Variants in NBEA observed in about 807,000 individuals in gnomAD.
The protein encoded by NBEA is lysosomal-trafficking regulator 2.
Under a neutral mutation model 343.4 loss-of-function variants are expected in NBEA, and 44 were observed. The observed-to-expected ratio is 0.13, with a 90% CI of 0.10 to 0.16. The LOEUF (loss-of-function observed/expected upper bound fraction) is 0.16, where lower values mean the gene tolerates loss of function less well. Ranked by LOEUF, NBEA falls within the 10% of genes least tolerant of loss-of-function variation. The pLI is 1.00. For missense variants in NBEA, 2,555 were observed against 3,631.3 expected (o/e 0.70, Z 7.62); for synonymous variants, 1,175 against 1,238.7 (o/e 0.95, Z 1.08).
chr13:35,276,652 T>TG (rs1160390261), intron 34 of NBEA, among the ~76,000 whole-genome samples: 1 of 152,164 alleles, frequency 6.6e-6, no homozygotes, highest in African/African-American at 2.4e-5. Flanking sequence ...GTAAACAACT[T>TG]GGGAAAAAAC....
chr13:35,594,621 T>C (rs2081682495), intron 47 of NBEA, among the ~76,000 whole-genome samples: 1 of 152,112 alleles, frequency 6.6e-6, no homozygotes, highest in African/African-American at 2.4e-5. Context: ...TTGCTGAGAC[T>C]TAAACTCTAA....
chr13:35,023,411 A>T (rs753576974), intron 1 of NBEA, among the ~76,000 whole-genome samples: 1 of 152,174 alleles, frequency 6.6e-6, no homozygotes, highest in Admixed American at 6.5e-5. Context: ...AAGGGCTTTC[A>T]TACTTTTTTC....
intron 30 of NBEA, among the ~76,000 whole-genome samples, chr13:35,191,246 C>T (rs2072168173): frequency 6.6e-6 from 1 of 151,896 alleles, no homozygotes; most frequent in Admixed American, 6.6e-5. Flanking sequence ...GAAATATTGG[C>T]CTGAAAACTC....
At chr13:35,111,097 A>G (rs2066180048) in intron 13 of NBEA, 119 bp downstream of exon 13, 1 of 764,932 alleles carries the variant, frequency 1.3e-6, no homozygotes, top group Admixed American at 3.9e-5. Context: ...TTTCTTATAT[A>G]GCAAACTGGC....
chr13:35,136,396 A>G (rs1183532481), intron 17 of NBEA, among the ~76,000 whole-genome samples: 2 of 152,192 alleles, frequency 1.3e-5, no homozygotes, highest in African/African-American at 2.4e-5. Flanking sequence ...TGGGATTCCA[A>G]GTTTTTGTAT....
At chr13:35,319,666 G>A (rs1020830971) in intron 36 of NBEA, among the ~76,000 whole-genome samples, 1 of 152,100 alleles carries the variant, frequency 6.6e-6, no homozygotes, top group Non-Finnish European at 1.5e-5. Context: ...TTCTCTCGTT[G>A]ATATGTCTAA....
At chr13:35,377,177 G>C (rs1482290076) in intron 38 of NBEA, among the ~76,000 whole-genome samples, 1 of 152,160 alleles carries the variant, frequency 6.6e-6, no homozygotes, top group East Asian at 1.9e-4. Context: ...CCAACTGTGG[G>C]AGTAAGCTAC....
At chr13:35,256,997 C>T (rs1013880529) in intron 34 of NBEA, among the ~76,000 whole-genome samples, 7 of 152,208 alleles carry the variant, frequency 4.6e-5, no homozygotes, top group African/African-American at 1.7e-4. Context: ...CCAGCCCCCA[C>T]CTAGTCCATG....
At chr13:35,373,208 T>G (rs2041545410) in intron 38 of NBEA, among the ~76,000 whole-genome samples, 2 of 152,084 alleles carry the variant, frequency 1.3e-5, no homozygotes, top group Non-Finnish European at 2.9e-5. Flanking sequence ...GTCACCTCTC[T>G]ATTGAATTCC....
rs562731484 is a variant in NBEA at position 35,671,816 on chromosome 13, G to T, written c.*825G>T. On this transcript the variant is annotated 3_prime_UTR_variant, in exon 59 of 59. Transcript: ENST00000379939. Reference sequence around the variant, plus strand: ...GAAGACACAGCAGAAAGGGGGCTTAGGGATGAGGTCCTGGTTTTTCTTGTA... The same window carrying T: ...GAAGACACAGCAGAAAGGGGGCTTATGGATGAGGTCCTGGTTTTTCTTGTA... 6.6e-6 allele frequency: 1 copy of T among 152,632 alleles called. No individual in the cohort carries two copies. The highest frequency in any genetic ancestry group is 1.5e-5 in the Non-Finnish European group (1 of 68,048). The allele number at this position is 152,632 out of a possible 1,614,324, so 9.5% of individuals were successfully genotyped here. A position where few individuals can be genotyped will look rare whatever the true frequency, so the allele number is the denominator to read the frequency against.
intron 27 of NBEA, among the ~76,000 whole-genome samples, chr13:35,174,342 C>T (rs1466574099): frequency 6.6e-6 from 1 of 152,048 alleles, no homozygotes; most frequent in Non-Finnish European, 1.5e-5. Context: ...TCGCTACCAC[C>T]CCAGTCAGTC....
At chr13:35,058,354 A>G (rs1051950803) in intron 7 of NBEA, among the ~76,000 whole-genome samples, 2 of 152,160 alleles carry the variant, frequency 1.3e-5, no homozygotes, top group Non-Finnish European at 2.9e-5. Flanking sequence ...CTTGATTCAG[A>G]TCAATCTCTC....
intron 55 of NBEA, among the ~76,000 whole-genome samples, chr13:35,659,078 C>CATA (rs571363235): frequency 1.3e-5 from 2 of 152,192 alleles, no homozygotes; most frequent in Non-Finnish European, 2.9e-5. Context: ...TTTTCTATCT[C>CATA]ATAATACATT....
Position 35,161,764 on chromosome 13 carries a change from G to C in NBEA, c.3876G>C (p.Arg1292=). The C allele has an allele frequency of 1.2e-6, 2 of 1,610,634 alleles. No homozygotes were observed. The highest frequency in any genetic ancestry group is 1.3e-5 in the African/African-American group (1 of 74,906). ...TTTTTQAVQG[R]SITQQDRDLR... is the part of the protein sequence containing the mutation. ...TCCTTCTTTAGGCTGTGCAGGGTCG[G>C]TCTATCACCCAACAAGACCGAGATC... Residue 1292 remains arginine, a synonymous_variant, in exon 23 of 59, where the codon CGG becomes CGC. Transcript: ENST00000379939.
At chr13:35,589,383 C>T (rs1034759754) in intron 46 of NBEA, among the ~76,000 whole-genome samples, 2 of 152,112 alleles carry the variant, frequency 1.3e-5, no homozygotes, top group African/African-American at 2.4e-5. Context: ...TTAGATAATA[C>T]AGAGCCTGGC....
intron 48 of NBEA, among the ~76,000 whole-genome samples, chr13:35,619,345 A>G (rs1477316990): frequency 2.0e-5 from 3 of 152,042 alleles, no homozygotes; most frequent in Non-Finnish European, 4.4e-5. Context: ...TGAGCATGAC[A>G]TAGAGTTTTA....
intron 1 of NBEA, among the ~76,000 whole-genome samples, chr13:35,029,356 A>G (rs1172260844): frequency 6.6e-6 from 1 of 151,542 alleles, no homozygotes; most frequent in East Asian, 1.9e-4. Flanking sequence ...ATCTAAATTG[A>G]TATTTGTAGA....
chr13:35,055,935 A>G, intron 6 of NBEA, 75 bp from the exon 7 acceptor site: 2 of 1,219,784 alleles, frequency 1.6e-6, no homozygotes, highest in Non-Finnish European at 2.2e-6. Context: ...GTAGGGTTTT[A>G]TGAATGTTAC....
chr13:35,038,331 A>G (rs2062525158), intron 1 of NBEA, among the ~76,000 whole-genome samples: 1 of 151,722 alleles, frequency 6.6e-6, no homozygotes, highest in South Asian at 2.1e-4. Context: ...AGAATTGGGG[A>G]CCCCAAGAGC....
Sources: gnomAD v4.1 joint callset for allele counts (sites outside exome capture counted in the v4.1 genomes callset) on GRCh38, gnomAD v4.1.1 for gene constraint, MANE v1.5 for transcripts, NCBI Gene and HGNC (gene_info 2026-07-23, HGNC 2026-07-21) for gene names.